Variants in METTL16 observed in about 807,000 individuals in gnomAD.
The protein encoded by METTL16 is RNA N(6)-adenosine-methyltransferase METTL16.
Under a neutral mutation model 57.9 loss-of-function variants are expected in METTL16, and 19 were observed. The observed-to-expected ratio is 0.33, with a 90% CI of 0.23 to 0.48. METTL16 has a LOEUF of 0.48. Ranked by LOEUF, METTL16 falls within the 20% of genes least tolerant of loss-of-function variation. The probability of loss-of-function intolerance (pLI) is 0.99; values close to 1 mark genes in which losing one functional copy is unlikely to be tolerated. For synonymous variants in METTL16, 246 were observed against 255.6 expected (o/e 0.96, Z 0.36); for missense variants, 434 against 691.5 (o/e 0.63, Z 4.18).
intron 1 of METTL16, among the ~76,000 whole-genome samples, chr17:2,508,782 T>A (rs1047814688): frequency 6.6e-6 from 1 of 152,180 alleles, no homozygotes; most frequent in Non-Finnish European, 1.5e-5. Flanking sequence ...CCCAAAGCTA[T>A]TAAGCTAAAA....
intron 8 of METTL16, 86 bp downstream of exon 8, chr17:2,438,023 G>C (rs1327743572): frequency 2.1e-6 from 2 of 975,332 alleles, no homozygotes; most frequent in Admixed American, 3.4e-5. Context: ...CAGTTAAACA[G>C]GACACTACCA....
intron 7 of METTL16, among the ~76,000 whole-genome samples, 167 bp from the exon 8 acceptor site, chr17:2,438,365 ATC>A (rs1176418993): frequency 6.6e-6 from 1 of 152,258 alleles, no homozygotes; most frequent in African/African-American, 2.4e-5. Context: ...TGAATAAATC[ATC>A]TCTCAACAAA....
intron 2 of METTL16, among the ~76,000 whole-genome samples, chr17:2,487,951 G>A (rs2067355685): frequency 1.3e-5 from 2 of 151,886 alleles, no homozygotes; most frequent in Admixed American, 6.6e-5. Flanking sequence ...GCTACAGTGA[G>A]CTGTGATCGC....
intron 8 of METTL16, among the ~76,000 whole-genome samples, chr17:2,424,880 G>A (rs1043947277): frequency 4.6e-5 from 7 of 151,994 alleles, no homozygotes; most frequent in East Asian, 1.9e-4. Flanking sequence ...CCCGGGAGGC[G>A]GACCTTGCAG....
At chr17:2,461,222 T>C (rs1190861411) in intron 6 of METTL16, among the ~76,000 whole-genome samples, 1 of 152,084 alleles carries the variant, frequency 6.6e-6, no homozygotes, top group Non-Finnish European at 1.5e-5. Context: ...CCAGGCGTGG[T>C]GGCGCGTGCC....
chr17:2,509,710 G>T (rs963475723), intron 1 of METTL16, among the ~76,000 whole-genome samples: 1 of 152,044 alleles, frequency 6.6e-6, no homozygotes, highest in African/African-American at 2.4e-5. Context: ...TGGCCAACAT[G>T]GAGACCATCC....
At chr17:2,435,380 T>C (rs943134301) in intron 8 of METTL16, among the ~76,000 whole-genome samples, 5 of 152,076 alleles carry the variant, frequency 3.3e-5, no homozygotes, top group Non-Finnish European at 7.4e-5. Flanking sequence ...CCTCCTTCCT[T>C]ACCCCCACCA....
rs531963024 is a variant in METTL16, at chr17:2,488,514, G to T, written c.129-10629C>A. Among the ~76,000 whole-genome samples the T allele has an allele frequency of 1.6e-4, 25 of 152,092 alleles. 1 individual carries two copies. The highest frequency in any genetic ancestry group is 4.8e-4 in the African/African-American group (20 of 41,474). ...GGATAGGTTGCAGTGAGCAGAGATA[G>T]TGCCACTGCACTCCAGCCTGGGCAA... On this transcript the variant is annotated intron_variant, in intron 2 of 9. Transcript: ENST00000263092.
At chr17:2,464,470 A>G in intron 5 of METTL16, 120 bp from the exon 6 acceptor site, 1 of 909,832 alleles carries the variant, frequency 1.1e-6, no homozygotes, top group Non-Finnish European at 1.6e-6. Flanking sequence ...ATAGTATGCT[A>G]GATTTAGGAT....
At chr17:2,498,661 C>T (rs999513599) in intron 2 of METTL16, among the ~76,000 whole-genome samples, 5 of 151,408 alleles carry the variant, frequency 3.3e-5, no homozygotes, top group Admixed American at 2.6e-4. Context: ...ATCGTTTGAA[C>T]CCAGGAGGCG....
intron 2 of METTL16, among the ~76,000 whole-genome samples, chr17:2,489,331 C>T (rs947408278): frequency 6.6e-6 from 1 of 151,948 alleles, no homozygotes; most frequent in African/African-American, 2.4e-5. Context: ...ATCCAAACAC[C>T]TCTTTGCCCT....
intron 5 of METTL16, among the ~76,000 whole-genome samples, chr17:2,466,844 C>T (rs886415243): frequency 2.0e-5 from 3 of 150,938 alleles, no homozygotes; most frequent in African/African-American, 2.4e-5. Flanking sequence ...ACAGGGTTAC[C>T]GAGGCTGGAG....
intron 3 of METTL16, 81 bp downstream of exon 3, chr17:2,477,605 C>G (rs1424966012): frequency 1.0e-6 from 1 of 1,004,870 alleles, no homozygotes. Flanking sequence ...AACAAATACC[C>G]AGTAGAAAAG....
intron 6 of METTL16, among the ~76,000 whole-genome samples, chr17:2,448,879 T>C (rs1160110229): frequency 7.1e-6 from 1 of 141,198 alleles, no homozygotes; most frequent in African/African-American, 2.6e-5. Context: ...ATACAAAAAT[T>C]AGCTGGGTGT....
chr17:2,499,460 C>A (rs953235885), intron 2 of METTL16, among the ~76,000 whole-genome samples: 3 of 147,632 alleles, frequency 2.0e-5, no homozygotes, highest in Admixed American at 6.7e-5. Context: ...CAGTGTTGCA[C>A]CCCACTAAAA....
At chr17:2,477,957 A>G in intron 2 of METTL16, 72 bp from the exon 3 acceptor site, 1 of 1,342,052 alleles carries the variant, frequency 7.5e-7, no homozygotes, top group East Asian at 2.3e-5. Flanking sequence ...TACGGCAAAC[A>G]GGCAGAACCA....
At chr17:2,444,547 T>TA (rs2066980134) in intron 6 of METTL16, among the ~76,000 whole-genome samples, 1 of 152,142 alleles carries the variant, frequency 6.6e-6, no homozygotes, top group African/African-American at 2.4e-5. Context: ...AGCACAGTTT[T>TA]AAAAAATAAA....
chr17:2,435,440 G>C (rs2066902408), intron 8 of METTL16, among the ~76,000 whole-genome samples: 1 of 152,146 alleles, frequency 6.6e-6, no homozygotes, highest in South Asian at 2.1e-4. Flanking sequence ...CGAGGGTGGG[G>C]AGAGAGGTCT....
At chr17:2,504,414 C>T (rs1049681785) in intron 1 of METTL16, among the ~76,000 whole-genome samples, 3 of 151,994 alleles carry the variant, frequency 2.0e-5, no homozygotes, top group South Asian at 2.1e-4. Context: ...ATGCAGACAA[C>T]GTAAGAGTGA....
Sources: allele counts gnomAD v4.1 joint callset (sites outside exome capture counted in the v4.1 genomes callset), GRCh38; gene constraint gnomAD v4.1.1; transcripts MANE v1.5; gene names NCBI Gene and HGNC (gene_info 2026-07-23, HGNC 2026-07-21).